Variants in OPTN observed in about 807,000 individuals in gnomAD.
OPTN encodes the protein E3-14.7K-interacting protein.
A neutral mutation model predicts 70.4 loss-of-function variants in OPTN; 54 were observed. The observed-to-expected ratio is 0.77, with a 90% CI of 0.62 to 0.96. The LOEUF (loss-of-function observed/expected upper bound fraction) is 0.96. OPTN is among the 40% of genes least tolerant of loss of function. The pLI, the probability that OPTN is intolerant of heterozygous loss-of-function variation, is 0.00. For missense variants in OPTN, 624 were observed against 673.2 expected, an observed-to-expected ratio of 0.93 and a Z score of 0.81; for synonymous variants, 256 against 248.5, an observed-to-expected ratio of 1.03 and a Z score of -0.28.
chr10:13,103,182 T>C (rs1017323727), intron 1 of OPTN, among the ~76,000 whole-genome samples: 1 of 152,174 alleles, frequency 6.6e-6, no homozygotes, highest in African/African-American at 2.4e-5. Context: ...GGATGCATAC[T>C]CTAAGTTCTT....
intron 12 of OPTN, among the ~76,000 whole-genome samples, chr10:13,128,204 C>T (rs1333545957): frequency 6.6e-6 from 1 of 152,136 alleles, no homozygotes; most frequent in Non-Finnish European, 1.5e-5. Context: ...TGGGTACACA[C>T]CTAGGAGTGG....
chr10:13,128,042 A>G (rs1017963311), intron 12 of OPTN, 139 bp downstream of exon 12: 1 of 999,870 alleles, frequency 1.0e-6, no homozygotes. Context: ...AAACTTTAAA[A>G]TTGAAACATT....
chr10:13,114,304 TC>T, intron 5 of OPTN, among the ~76,000 whole-genome samples: 1 of 152,100 alleles, frequency 6.6e-6, no homozygotes, highest in Non-Finnish European at 1.5e-5. Flanking sequence ...GTGGCCAAAA[TC>T]AAGATAATTA....
chr10:13,110,504 G>GT (rs34617995), intron 4 of OPTN, 28 bp downstream of exon 4: 5,103 of 1,289,098 alleles, frequency 4.0e-3, no homozygotes, highest in East Asian at 0.018. Flanking sequence ...TTGTGATGTT[G>GT]TTTTTTTTTT....
intron 12 of OPTN, among the ~76,000 whole-genome samples, chr10:13,128,105 T>A (rs1281618255): frequency 2.0e-5 from 3 of 152,254 alleles, no homozygotes; most frequent in Admixed American, 2.0e-4. Flanking sequence ...GTAATTGGAT[T>A]CTTTCCAGTT....
At chr10:13,117,270 T>C (rs1031027536) in intron 6 of OPTN, among the ~76,000 whole-genome samples, 36 of 150,690 alleles carry the variant, frequency 2.4e-4, no homozygotes, top group Middle Eastern at 3.5e-3. Flanking sequence ...TTAGTAGAGA[T>C]GGGGTTTCAC....
chr10:13,134,084 C>T (rs1382375440), intron 14 of OPTN, among the ~76,000 whole-genome samples: 5 of 152,242 alleles, frequency 3.3e-5, no homozygotes, highest in Admixed American at 3.3e-4. Context: ...ACCGGGATTA[C>T]AGGCGCAAGC....
chr10:13,135,039 A>G (rs945649645), intron 14 of OPTN, among the ~76,000 whole-genome samples: 15 of 152,346 alleles, frequency 9.8e-5, no homozygotes, highest in Non-Finnish European at 1.5e-4. Flanking sequence ...ATACCTCTTC[A>G]GAAATGCTTC....
chr10:13,109,040 G>T, intron 2 of OPTN, 72 bp from the exon 3 acceptor site: 1 of 1,397,206 alleles, frequency 7.2e-7, no homozygotes, highest in East Asian at 2.3e-5. Context: ...TCGCCAATGG[G>T]TTTGTGGGAC....
intron 6 of OPTN, among the ~76,000 whole-genome samples, chr10:13,118,591 C>G (rs1185314839): frequency 6.6e-6 from 1 of 152,110 alleles, no homozygotes; most frequent in Non-Finnish European, 1.5e-5. Context: ...CTGAACTGTT[C>G]CGTGAGTTTT....
At chr10:13,119,834 T>C (rs564607963) in intron 7 of OPTN, among the ~76,000 whole-genome samples, 103 of 152,336 alleles carry the variant, frequency 6.8e-4, no homozygotes, top group African/African-American at 2.4e-3. Context: ...GTTGACCGTT[T>C]GTTTGATTTG....
At position 13,110,231 on chromosome 10, in the gene OPTN, C is replaced by T. The variant is rs773021961; in HGVS notation, c.167-43C>T. 1.6e-5 allele frequency: 25 copies of T among 1,607,648 alleles called. No individual in the cohort carries two copies. In the South Asian group the frequency reaches 1.8e-4, roughly 12 times the overall value. On this transcript the variant is annotated intron_variant, in intron 3 of 14. Transcript: ENST00000378747. ...GAGATTTGGTTCATCAGATCAAGTCCACTTTCCTGGTGTGTGACTCCATCA... is the reference window on the plus strand; with the variant it reads ...GAGATTTGGTTCATCAGATCAAGTCTACTTTCCTGGTGTGTGACTCCATCA...
intron 12 of OPTN, among the ~76,000 whole-genome samples, chr10:13,129,244 C>T (rs1564367301): frequency 6.6e-6 from 1 of 152,128 alleles, no homozygotes. Context: ...CCCTCTTCAT[C>T]ATAACTTGTG....
chr10:13,125,807 G>A, intron 10 of OPTN, 139 bp from the exon 11 acceptor site: 1 of 769,446 alleles, frequency 1.3e-6, no homozygotes, highest in African/African-American at 1.8e-5. Context: ...TTGAGAGTAA[G>A]AAATGCTAGT....
At position 13,136,505 on chromosome 10, in the gene OPTN, C is replaced by CAAAAA. The variant is rs71386161; in HGVS notation, c.1613-220_1613-216dup. 7.4e-3 allele frequency among the ~76,000 whole-genome samples: 535 copies of CAAAAA among 72,478 alleles called. 21 individuals carry two copies. The highest frequency in any genetic ancestry group is 0.014 in the Middle Eastern group (1 of 72). 47.5% of individuals were successfully genotyped at this position (72,478 alleles called of 152,430 possible). ...CCTGGGTGACAGCGAGACTCCGTCTCAAAAAAAAAAAAAAAAAAAAAAAAT... is the reference window on the plus strand; with the variant it reads ...CCTGGGTGACAGCGAGACTCCGTCTCAAAAAAAAAAAAAAAAAAAAAAAAAAAAAT... On this transcript the variant is annotated intron_variant, in intron 14 of 14. Transcript: ENST00000378747.
intron 1 of OPTN, among the ~76,000 whole-genome samples, chr10:13,101,370 G>C (rs1340325552): frequency 1.3e-5 from 2 of 151,892 alleles, no homozygotes; most frequent in East Asian, 3.9e-4. Flanking sequence ...ATTATGCTAG[G>C]AATATAACTA....
rs147661029 is a variant in OPTN, at chr10:13,108,781, C to T, written c.-11-331C>T. ...CAGGATGGTCTCAATCTCCTGACCT[C>T]ATGATCTGTCCGCCTCGGCCTCCCA... On this transcript the variant is annotated intron_variant, in intron 2 of 14. Coordinates refer to ENST00000378747, the MANE Select transcript of OPTN (RefSeq NM_001008212.2). 5.8e-3 allele frequency among the ~76,000 whole-genome samples: 877 copies of T among 152,232 alleles called. 8 individuals are homozygous for T. The highest frequency in any genetic ancestry group is 0.02 in the African/African-American group (838 of 41,542).
intron 1 of OPTN, among the ~76,000 whole-genome samples, chr10:13,102,812 A>G (rs562261374): frequency 6.6e-6 from 1 of 152,202 alleles, no homozygotes; most frequent in South Asian, 2.1e-4. Context: ...GAATGGTGGC[A>G]TGCACCTGTA....
At chr10:13,113,020 G>A (rs1242777781) in intron 5 of OPTN, among the ~76,000 whole-genome samples, 3 of 152,016 alleles carry the variant, frequency 2.0e-5, no homozygotes, top group Non-Finnish European at 4.4e-5. Flanking sequence ...TTTCACAACA[G>A]AACCCTCTTT....
Sources: allele counts gnomAD v4.1 joint callset (sites outside exome capture counted in the v4.1 genomes callset), GRCh38; gene constraint gnomAD v4.1.1; transcripts MANE v1.5; gene names NCBI Gene and HGNC (gene_info 2026-07-23, HGNC 2026-07-21).